The following ADAMTSL3 variants were observed in gnomAD, a reference collection of about 807,000 sequenced individuals.
ADAMTSL3 encodes the protein ADAMTS like 3.
Under a neutral mutation model 201.7 loss-of-function variants are expected in ADAMTSL3, and 128 were observed. The ratio of observed to expected loss-of-function variants is 0.63; its 90% CI spans 0.55 to 0.73. The LOEUF is 0.73. Among genes scored for constraint, ADAMTSL3 ranks in the 30% least tolerant of loss-of-function variants. ADAMTSL3 has a pLI of 0.00. For missense variants in ADAMTSL3, 1,990 were observed against 2,119.6 expected (o/e 0.94, Z 1.20); for synonymous variants, 738 against 748.4 (o/e 0.99, Z 0.23).
At position 83,804,709 on chromosome 15, in the gene ADAMTSL3, T is replaced by A. The variant is rs903142302; in HGVS notation, c.363+14T>A. Reference sequence around the variant, plus strand: ...TGCAGCAATCATGTAAGTCATAAAATAAAATTATTTTATCCAATACAATAT... The same window carrying A: ...TGCAGCAATCATGTAAGTCATAAAAAAAAATTATTTTATCCAATACAATAT... On this transcript the variant is annotated intron_variant, in intron 5 of 29. Transcript: ENST00000286744. 4 of 1,567,148 alleles carry A rather than the reference T, an allele frequency of 2.6e-6. No homozygotes were observed. The highest frequency in any genetic ancestry group is 3.5e-6 in the Non-Finnish European group (4 of 1,155,288).
chr15:84,013,934 C>T (rs181879549), intron 23 of ADAMTSL3, among the ~76,000 whole-genome samples: 1 of 152,290 alleles, frequency 6.6e-6, no homozygotes, highest in African/African-American at 2.4e-5. Flanking sequence ...TGCAATGTTG[C>T]TTACAGTCCC....
At chr15:83,715,389 G>A (rs1482084352) in intron 3 of ADAMTSL3, among the ~76,000 whole-genome samples, 1 of 152,154 alleles carries the variant, frequency 6.6e-6, no homozygotes, top group Non-Finnish European at 1.5e-5. Flanking sequence ...GAATACATTT[G>A]GATTATGTGG....
chr15:83,790,032 T>C (rs1336361090), intron 4 of ADAMTSL3, among the ~76,000 whole-genome samples: 1 of 151,870 alleles, frequency 6.6e-6, no homozygotes, highest in Non-Finnish European at 1.5e-5. Context: ...AAGATATCCT[T>C]AATATGAAAT....
intron 4 of ADAMTSL3, among the ~76,000 whole-genome samples, chr15:83,802,623 TTATA>T (rs1341327161): frequency 6.6e-6 from 1 of 152,196 alleles, no homozygotes; most frequent in African/African-American, 2.4e-5. Context: ...GGGATTCCAT[TTATA>T]TAACATTTTG....
At chr15:83,988,667 G>T in intron 21 of ADAMTSL3, 24 bp from the exon 22 acceptor site, 1 of 1,567,034 alleles carries the variant, frequency 6.4e-7, no homozygotes. Flanking sequence ...ATATGAATGT[G>T]TCGTCTTTCT....
chr15:83,938,338 A>G (rs1687263918), intron 17 of ADAMTSL3, among the ~76,000 whole-genome samples: 1 of 152,158 alleles, frequency 6.6e-6, no homozygotes, highest in Non-Finnish European at 1.5e-5. Context: ...GCAGATAGAT[A>G]ATGTCCCCTT....
intron 7 of ADAMTSL3, among the ~76,000 whole-genome samples, chr15:83,845,557 T>TGCACAGTGA (rs1567185057): frequency 6.6e-6 from 1 of 152,212 alleles, no homozygotes. Context: ...CTTTTTCATC[T>TGCACAGTGA]GCACAGTGAG....
At chr15:83,961,475 C>T (rs957074968) in intron 19 of ADAMTSL3, 2 of 152,150 alleles carry the variant, frequency 1.3e-5, no homozygotes, top group African/African-American at 4.8e-5. Flanking sequence ...ACAGCATGCG[C>T]CACTAAGCCT....
At chr15:83,960,527 G>A (rs2066947392) in intron 19 of ADAMTSL3, among the ~76,000 whole-genome samples, 1 of 152,170 alleles carries the variant, frequency 6.6e-6, no homozygotes, top group South Asian at 2.1e-4. Context: ...AACTGAGGAT[G>A]TCCCTTGCAG....
At chr15:83,829,581 C>T (rs1315453756) in intron 6 of ADAMTSL3, among the ~76,000 whole-genome samples, 14 of 151,938 alleles carry the variant, frequency 9.2e-5, no homozygotes, top group Admixed American at 2.6e-4. Flanking sequence ...TTTGAATGTG[C>T]TTGCTCTTGC....
At chr15:83,663,769 A>G (rs2061208855) in intron 2 of ADAMTSL3, among the ~76,000 whole-genome samples, 2 of 152,226 alleles carry the variant, frequency 1.3e-5, no homozygotes, top group East Asian at 1.9e-4. Context: ...TTGGATGCAG[A>G]CACCGCTTTA....
intron 7 of ADAMTSL3, among the ~76,000 whole-genome samples, chr15:83,852,116 G>GT (rs1237733866): frequency 1.5e-4 from 23 of 151,658 alleles, no homozygotes; most frequent in Admixed American, 2.0e-4. Context: ...AATTTGGCTT[G>GT]TTTTTTTTGT....
chr15:83,727,353 AT>A (rs749846811), intron 3 of ADAMTSL3, among the ~76,000 whole-genome samples: 23 of 149,194 alleles, frequency 1.5e-4, no homozygotes, highest in African/African-American at 4.9e-4. Context: ...TGTTTCATTG[AT>A]TTTTTTTGTA....
At chr15:83,887,412 A>G (rs1294874737) in intron 10 of ADAMTSL3, among the ~76,000 whole-genome samples, 1 of 152,222 alleles carries the variant, frequency 6.6e-6, no homozygotes, top group Non-Finnish European at 1.5e-5. Context: ...TCACAAAATT[A>G]ATACAGTGAA....
intron 5 of ADAMTSL3, among the ~76,000 whole-genome samples, chr15:83,812,945 G>A (rs2063719950): frequency 1.3e-5 from 2 of 152,172 alleles, no homozygotes; most frequent in Admixed American, 6.5e-5. Context: ...TCACAGAACC[G>A]AATTTAACCT....
In ADAMTSL3 at chr15:83,655,846, G is replaced by A. The variant is rs1424383023; in HGVS notation, c.69+16G>A. 4.3e-6 allele frequency: 7 copies of A among 1,611,298 alleles called. No homozygotes were observed. Among genetic ancestry groups the A allele is most frequent in the Non-Finnish European group, 5.9e-6 (7 of 1,178,140 alleles). ...CCTCCCGCAGGTAAGGTCATATAGG[G>A]AGGGGAAGGGAAATGGTGGACATCC... is the stretch of plus-strand genomic sequence containing the variant. On this transcript the variant is annotated intron_variant, in intron 2 of 29. Coordinates refer to ENST00000286744, the MANE Select transcript of ADAMTSL3 (RefSeq NM_207517.3).
At chr15:83,827,430 G>T (rs1242479906) in intron 6 of ADAMTSL3, among the ~76,000 whole-genome samples, 1 of 152,156 alleles carries the variant, frequency 6.6e-6, no homozygotes, top group Non-Finnish European at 1.5e-5. Flanking sequence ...CAGACGAGTA[G>T]ATTGCGAAAA....
At chr15:83,657,891 GT>G (rs1427220354) in intron 2 of ADAMTSL3, among the ~76,000 whole-genome samples, 2 of 152,170 alleles carry the variant, frequency 1.3e-5, no homozygotes, top group Non-Finnish European at 2.9e-5. Flanking sequence ...TGGATGCTCT[GT>G]TTTTTCCGTA....
At chr15:83,805,375 T>G (rs2063585271) in intron 5 of ADAMTSL3, among the ~76,000 whole-genome samples, 1 of 151,972 alleles carries the variant, frequency 6.6e-6, no homozygotes, top group African/African-American at 2.4e-5. Flanking sequence ...CTGGCCAATG[T>G]GGTGAAATCC....
Sources: allele counts gnomAD v4.1 joint callset (sites outside exome capture counted in the v4.1 genomes callset), GRCh38; gene constraint gnomAD v4.1.1; transcripts MANE v1.5; gene names NCBI Gene and HGNC (gene_info 2026-07-23, HGNC 2026-07-21).